The following TLN2 variants were observed in gnomAD, a reference collection of about 807,000 sequenced individuals.
The protein encoded by TLN2 is talin-2.
Under a neutral mutation model 294.7 loss-of-function variants are expected in TLN2, and 118 were observed. The ratio of observed to expected loss-of-function variants is 0.40; its 90% CI spans 0.34 to 0.47. The LOEUF is 0.47. Among genes scored for constraint, TLN2 ranks in the 20% least tolerant of loss-of-function variants. The pLI, the probability that TLN2 is intolerant of heterozygous loss-of-function variation, is 0.84. For synonymous variants in TLN2, 1,431 were observed against 1,304.5 expected, an observed-to-expected ratio of 1.10 and a Z score of -2.09; for missense variants, 3,083 against 3,282.2, an observed-to-expected ratio of 0.94 and a Z score of 1.48.
chr15:62,763,720 C>T (rs1280256436), intron 40 of TLN2, 25 bp downstream of exon 40: 2 of 1,580,110 alleles, frequency 1.3e-6, no homozygotes, highest in Admixed American at 1.8e-5. Context: ...TGGGGGCCTG[C>T]TTAGTCGCCT....
At chr15:62,698,641 A>T (rs2058519320) in intron 15 of TLN2, 113 bp from the exon 16 acceptor site, 1 of 782,128 alleles carries the variant, frequency 1.3e-6, no homozygotes, top group Admixed American at 2.1e-5. Context: ...GTTGAGATGT[A>T]GCCTGGGCTG....
chr15:62,740,473 A>G lies in TLN2; in HGVS notation c.3886-157A>G, dbSNP rs1461561385. On this transcript the variant is annotated intron_variant, in intron 31 of 58. Coordinates refer to ENST00000636159, the MANE Select transcript of TLN2 (RefSeq NM_015059.3). Reference sequence around the variant, plus strand: ...GTTTGGAGAAGGGTAGACACTGGTCAGTGTCTCAACGAGTTAGGCATCTGC... The same window carrying G: ...GTTTGGAGAAGGGTAGACACTGGTCGGTGTCTCAACGAGTTAGGCATCTGC... 5 of 830,860 alleles carry G rather than the reference A, an allele frequency of 6.0e-6. No individual in the cohort carries two copies. The East Asian group carries it at 1.2e-4, about 20-fold the overall frequency. The allele number at this position is 830,860 out of a possible 1,614,324, so 51.5% of individuals were successfully genotyped here.
chr15:62,549,480 G>GCATCCATCCATCCATGCATCCATC (rs2042175322), intron 1 of TLN2, among the ~76,000 whole-genome samples: 1 of 147,756 alleles, frequency 6.8e-6, no homozygotes, highest in African/African-American at 2.5e-5. Context: ...TGCATGCCAT[G>GCATCCATCCATCCATGCATCCATC]CATCCATCCA....
At chr15:62,746,068 C>T (rs1333130861) in intron 32 of TLN2, among the ~76,000 whole-genome samples, 3 of 152,148 alleles carry the variant, frequency 2.0e-5, no homozygotes, top group Non-Finnish European at 4.4e-5. Context: ...GGAAAACTGG[C>T]GGCTTTCCCA....
chr15:62,415,303 G>A lies in TLN2; in HGVS notation c.-238+24618G>A, dbSNP rs185890568. Among the ~76,000 whole-genome samples the A allele has an allele frequency of 7.4e-4, 105 of 141,668 alleles. 5 individuals carry two copies. The highest frequency in any genetic ancestry group is 2.4e-3 in the African/African-American group (96 of 39,744). The allele number at this position is 141,668 out of a possible 152,430, so 92.9% of individuals were successfully genotyped here. On this transcript the variant is annotated intron_variant, in intron 1 of 58. Coordinates refer to ENST00000636159, the MANE Select transcript of TLN2 (RefSeq NM_015059.3). Reference sequence around the variant, plus strand: ...TGCCCGAACTGACTGACAGCCGTGCGAGTTTCTTCTGAGGAGACGTAGCAA... The same window carrying A: ...TGCCCGAACTGACTGACAGCCGTGCAAGTTTCTTCTGAGGAGACGTAGCAA...
intron 35 of TLN2, 24 bp from the exon 36 acceptor site, chr15:62,753,748 TG>T (rs778170433): frequency 6.3e-7 from 1 of 1,587,614 alleles, no homozygotes; most frequent in Admixed American, 1.8e-5. Context: ...GAGCCTGAGC[TG>T]TGGTTTTTCT....
intron 1 of TLN2, among the ~76,000 whole-genome samples, chr15:62,410,139 G>A (rs1276048584): frequency 6.6e-6 from 1 of 152,132 alleles, no homozygotes; most frequent in Non-Finnish European, 1.5e-5. Context: ...CTACTCAGGA[G>A]GCTGAGGCGG....
intron 6 of TLN2, 110 bp downstream of exon 6, chr15:62,652,244 A>T (rs1032926865): frequency 1.1e-5 from 14 of 1,238,754 alleles, no homozygotes; most frequent in Non-Finnish European, 1.5e-5. Context: ...GTGTCTTAAC[A>T]CGCCGAGTTC....
At chr15:62,476,711 C>G (rs2037801439) in intron 1 of TLN2, among the ~76,000 whole-genome samples, 1 of 152,218 alleles carries the variant, frequency 6.6e-6, no homozygotes, top group Non-Finnish European at 1.5e-5. Flanking sequence ...CCACTTTCCT[C>G]TCTTTCACTT....
At chr15:62,612,316 T>C (rs2047984023) in intron 2 of TLN2, among the ~76,000 whole-genome samples, 1 of 152,222 alleles carries the variant, frequency 6.6e-6, no homozygotes, top group Non-Finnish European at 1.5e-5. Flanking sequence ...ATATTCTGTA[T>C]ACCATGGTCA....
intron 12 of TLN2, among the ~76,000 whole-genome samples, chr15:62,689,068 C>CTTTTTTTTTTTTTTTTTTT (rs796645804): frequency 1.7e-5 from 2 of 116,638 alleles, no homozygotes; most frequent in Non-Finnish European, 3.6e-5. Flanking sequence ...TTCTCTCTCT[C>CTTTTTTTTTTTTTTTTTTT]TTTTTTTTTT....
chr15:62,542,358 A>AG (rs1555426064), intron 1 of TLN2, among the ~76,000 whole-genome samples: 3 of 151,734 alleles, frequency 2.0e-5, no homozygotes, highest in Admixed American at 1.3e-4. Flanking sequence ...TACCTGGCTG[A>AG]TTTTGTATTT....
chr15:62,580,075 C>T (rs2044794067), intron 1 of TLN2, among the ~76,000 whole-genome samples: 1 of 152,232 alleles, frequency 6.6e-6, no homozygotes, highest in Non-Finnish European at 1.5e-5. Context: ...AGGCCCTGGC[C>T]TGCAGTGGGG....
chr15:62,643,887 G>T (rs2051479485), intron 3 of TLN2, among the ~76,000 whole-genome samples: 1 of 152,184 alleles, frequency 6.6e-6, no homozygotes, highest in Non-Finnish European at 1.5e-5. Context: ...GTATGGTGAG[G>T]AAGGGCACTT....
chr15:62,833,666 C>A (rs761186714), intron 55 of TLN2, 37 bp downstream of exon 55: 2 of 1,598,590 alleles, frequency 1.3e-6, no homozygotes, highest in African/African-American at 1.3e-5. Flanking sequence ...GGACACTCAA[C>A]GTACGAGAGC....
chr15:62,599,059 C>T (rs959979527), intron 2 of TLN2, among the ~76,000 whole-genome samples: 1 of 152,196 alleles, frequency 6.6e-6, no homozygotes, highest in Non-Finnish European at 1.5e-5. Context: ...CTCCTTGTCA[C>T]CTCTGTGTCA....
At chr15:62,829,461 A>T (rs2068554675) in intron 54 of TLN2, 1 of 152,086 alleles carries the variant, frequency 6.6e-6, no homozygotes, top group African/African-American at 2.4e-5. Flanking sequence ...CACAGGAAAG[A>T]CCTGCCCCCA....
At chr15:62,800,345 C>T (rs749829359) in intron 48 of TLN2, 23 bp from the exon 49 acceptor site, 1 of 1,611,190 alleles carries the variant, frequency 6.2e-7, no homozygotes, top group Middle Eastern at 1.7e-4. Context: ...GCCTGCTCAC[C>T]TGAGTTCTGT....
chr15:62,796,068 C>T, intron 46 of TLN2, 59 bp from the exon 47 acceptor site: 3 of 1,575,172 alleles, frequency 1.9e-6, no homozygotes, highest in South Asian at 2.4e-5. Flanking sequence ...TCAGAATCTG[C>T]TTTTAGGTCC....
Sources: allele counts gnomAD v4.1 joint callset (sites outside exome capture counted in the v4.1 genomes callset), GRCh38; gene constraint gnomAD v4.1.1; transcripts MANE v1.5; gene names NCBI Gene and HGNC (gene_info 2026-07-23, HGNC 2026-07-21).